The following NDUFAF6 variants were observed in gnomAD, a reference collection of about 807,000 sequenced individuals.
The protein encoded by NDUFAF6 is NADH dehydrogenase (ubiquinone) complex I, assembly factor 6.
NDUFAF6 carries 45 observed loss-of-function variants against 40.8 expected under a neutral mutation model. That is an observed-to-expected ratio of 1.10 (90% CI 0.87 to 1.42). The LOEUF is 1.42. Among genes scored for constraint, NDUFAF6 ranks in the 40% most tolerant of loss-of-function variants. The pLI is 0.00. For synonymous variants in NDUFAF6, 185 were observed against 155.9 expected (o/e 1.19, Z -1.39); for missense variants, 435 against 418.5 (o/e 1.04, Z -0.34).
chr8:94,990,228 T>C (rs1341580624), intron 2 of NDUFAF6, among the ~76,000 whole-genome samples: 1 of 152,174 alleles, frequency 6.6e-6, no homozygotes. Context: ...ACAACACATA[T>C]ATAAGGTGGT....
At chr8:94,900,107 C>T (rs1586583623) in intron 1 of NDUFAF6, among the ~76,000 whole-genome samples, 1 of 152,162 alleles carries the variant, frequency 6.6e-6, no homozygotes, top group African/African-American at 2.4e-5. Flanking sequence ...CTTTGTAGCA[C>T]CTCTTCTCCA....
At chr8:94,938,155 G>A (rs1445843547) in intron 1 of NDUFAF6, among the ~76,000 whole-genome samples, 2 of 152,196 alleles carry the variant, frequency 1.3e-5, no homozygotes, top group African/African-American at 4.8e-5. Context: ...GAAGCTACGT[G>A]TTTGCTAAAA....
chr8:95,064,600 C>G (rs1265768626), intron 9 of NDUFAF6, among the ~76,000 whole-genome samples: 1 of 151,866 alleles, frequency 6.6e-6, no homozygotes, highest in African/African-American at 2.4e-5. Context: ...CTCATAACTC[C>G]CATAGCCCTT....
At chr8:95,076,749 T>C (rs1000756468), downstream of NDUFAF6, among the ~76,000 whole-genome samples, 1 of 151,944 alleles carries the variant, frequency 6.6e-6, no homozygotes, top group Non-Finnish European at 1.5e-5. Context: ...GGCCCATGCC[T>C]CTAATCCCAG....
intron 9 of NDUFAF6, among the ~76,000 whole-genome samples, chr8:95,073,508 C>T (rs1364952281): frequency 2.0e-5 from 3 of 152,096 alleles, no homozygotes; most frequent in African/African-American, 7.2e-5. Flanking sequence ...GCACCGCCCC[C>T]GCCTCGCCCC....
intron 1 of NDUFAF6, among the ~76,000 whole-genome samples, chr8:94,900,677 T>C (rs931666852): frequency 6.6e-6 from 1 of 152,128 alleles, no homozygotes; most frequent in Non-Finnish European, 1.5e-5. Flanking sequence ...TGCTCTCCAC[T>C]GAGGAGGATA....
At chr8:95,038,470 G>A (rs543731429) in intron 3 of NDUFAF6, among the ~76,000 whole-genome samples, 5 of 151,176 alleles carry the variant, frequency 3.3e-5, no homozygotes, top group Admixed American at 1.3e-4. Context: ...TCCCAGGCCC[G>A]GGTAGCTGGG....
chr8:95,106,288 A>G (rs1270396122), downstream of NDUFAF6, among the ~76,000 whole-genome samples: 1 of 151,972 alleles, frequency 6.6e-6, no homozygotes, highest in Non-Finnish European at 1.5e-5. Flanking sequence ...AAAAAAAAAA[A>G]AAGTGTATGG....
chr8:94,927,294 G>T (rs1819982058), intron 1 of NDUFAF6: 1 of 152,454 alleles, frequency 6.6e-6, no homozygotes, highest in Non-Finnish European at 1.5e-5. Context: ...AGGAGGAAGA[G>T]AAGTAGCAAG....
upstream of NDUFAF6, among the ~76,000 whole-genome samples, chr8:95,021,529 C>G (rs1286723723): frequency 1.3e-5 from 2 of 152,202 alleles, no homozygotes; most frequent in Non-Finnish European, 2.9e-5. Context: ...CTTTTCCCTT[C>G]TTGGCACGTG....
In NDUFAF6 at chr8:95,034,308, C is replaced by T. The variant is rs914478989; in HGVS notation, c.298-1146C>T. 3.9e-5 allele frequency among the ~76,000 whole-genome samples: 6 copies of T among 152,168 alleles called. No individual in the cohort carries two copies. The East Asian group carries it at 1.2e-3, about 29-fold the overall frequency. On this transcript the variant is annotated intron_variant, in intron 2 of 8. Transcript: ENST00000396124. ...TGTCTCATAAGAATAAGGATAATCT[C>T]TTACATAACCACAGTACACTTACAA... is the stretch of plus-strand genomic sequence containing the variant.
chr8:95,035,622 G>A (rs758171630), intron 3 of NDUFAF6, 46 bp downstream of exon 3: 14 of 1,569,896 alleles, frequency 8.9e-6, no homozygotes, highest in South Asian at 2.3e-5. Flanking sequence ...AATATTATTC[G>A]AGTCTACTTT....
chr8:94,977,107 C>A (rs1013458035), intron 1 of NDUFAF6, among the ~76,000 whole-genome samples: 2 of 143,588 alleles, frequency 1.4e-5, no homozygotes, highest in African/African-American at 2.6e-5. Context: ...CCACTGCACT[C>A]TAGCCTGGGT....
intron 2 of NDUFAF6, among the ~76,000 whole-genome samples, chr8:95,091,586 C>CA (rs34735283): frequency 6.6e-6 from 1 of 151,778 alleles, no homozygotes; most frequent in Admixed American, 6.6e-5. Context: ...GTCTTTTCTG[C>CA]AAAAAGCTCT....
chr8:95,089,693 C>T (rs1181872239), intron 2 of NDUFAF6, among the ~76,000 whole-genome samples: 1 of 152,112 alleles, frequency 6.6e-6, no homozygotes, highest in Non-Finnish European at 1.5e-5. Context: ...TACCCCTCTT[C>T]CAAATGGACC....
intron 8 of NDUFAF6, among the ~76,000 whole-genome samples, chr8:95,052,955 C>T (rs1406009631): frequency 2.6e-5 from 4 of 152,098 alleles, no homozygotes; most frequent in Non-Finnish European, 5.9e-5. Flanking sequence ...CATCATTATT[C>T]CTAGTCTTCC....
At chr8:94,992,580 G>A (rs918701979) in intron 2 of NDUFAF6, among the ~76,000 whole-genome samples, 76 of 152,182 alleles carry the variant, frequency 5.0e-4, no homozygotes, top group African/African-American at 1.7e-3. Context: ...TCCCTTGGTT[G>A]ATACTCTTCT....
chr8:95,025,040 G>A lies in NDUFAF6; in HGVS notation c.32G>A (p.Gly11Glu), dbSNP rs778021630. Residue 11 changes from glycine (G) to glutamate (E), a missense_variant, in exon 1 of 9, where the codon GGG becomes GAG. By Grantham distance (98) the Gly-to-Glu change is moderately conservative (BLOSUM62 -2). Transcript: ENST00000396124. MAASAHGSVWGPLRLGIPGLC... is the reference protein window; with the variant it reads MAASAHGSVWEPLRLGIPGLC... ...GCCTCCGCGCACGGCTCTGTCTGGG[G>A]GCCGTTGCGGCTTGGCATCCCCGGC... The A allele has an allele frequency of 2.3e-5, 33 of 1,416,174 alleles. No homozygotes were observed. In the African/African-American group the frequency reaches 4.8e-4, roughly 21 times the overall value. 87.7% of individuals were successfully genotyped at this position (1,416,174 alleles called of 1,614,324 possible).
downstream of NDUFAF6, among the ~76,000 whole-genome samples, chr8:95,104,457 A>G (rs1257935068): frequency 2.6e-5 from 4 of 152,132 alleles, no homozygotes; most frequent in African/African-American, 4.8e-5. Flanking sequence ...GTAACTCCCT[A>G]TGAAAGTAGG....
Sources: allele counts gnomAD v4.1 joint callset (sites outside exome capture counted in the v4.1 genomes callset), GRCh38; gene constraint gnomAD v4.1.1; transcripts MANE v1.5; gene names NCBI Gene and HGNC (gene_info 2026-07-23, HGNC 2026-07-21).